The following AUTS2 variants were observed in gnomAD, a reference collection of about 807,000 sequenced individuals.
AUTS2 encodes activator of transcription and developmental regulator AUTS2, also known as autism susceptibility gene 2 protein.
Under a neutral mutation model 112.4 loss-of-function variants are expected in AUTS2, and 17 were observed. The ratio of observed to expected loss-of-function variants is 0.15; its 90% CI spans 0.10 to 0.23. The LOEUF is 0.23. Ranked by LOEUF, AUTS2 falls within the 10% of genes least tolerant of loss-of-function variation. The probability of loss-of-function intolerance (pLI) is 1.00; values close to 1 mark genes in which losing one functional copy is unlikely to be tolerated. For missense variants in AUTS2, 1,510 were observed against 1,701.6 expected (o/e 0.89, Z 1.98); for synonymous variants, 751 against 702.7 (o/e 1.07, Z -1.09).
intron 4 of AUTS2, among the ~76,000 whole-genome samples, chr7:70,340,196 C>CACACACACACA (rs1562892239): frequency 2.0e-5 from 2 of 97,746 alleles, no homozygotes; most frequent in African/African-American, 9.1e-5. Flanking sequence ...ACACACACAC[C>CACACACACACA]CCGTAATAAG....
intron 1 of AUTS2, among the ~76,000 whole-genome samples, chr7:69,717,904 T>C (rs1438298006): frequency 6.6e-6 from 1 of 152,188 alleles, no homozygotes. Context: ...GATAAGACCA[T>C]TTATTGCTTA....
chr7:70,485,035 G>A (rs1020852484), intron 5 of AUTS2, among the ~76,000 whole-genome samples: 6 of 152,316 alleles, frequency 3.9e-5, no homozygotes, highest in African/African-American at 1.4e-4. Context: ...CTGCTGATGG[G>A]AATGTAAACT....
At chr7:70,156,891 TAAAAAAAAAAAAAAAAAAAAAAAA>T (rs781281055) in intron 4 of AUTS2, among the ~76,000 whole-genome samples, 5 of 37,854 alleles carry the variant, frequency 1.3e-4, no homozygotes. Context: ...CTACTAAAAG[TAAAAAAAAAAAAAAAAAAAAAAAA>T]AAAAAAAAAA....
chr7:69,958,113 A>T (rs150961827), intron 2 of AUTS2, among the ~76,000 whole-genome samples: 55 of 152,250 alleles, frequency 3.6e-4, no homozygotes, highest in African/African-American at 1.3e-3. Context: ...TATTTATAGA[A>T]CACCTGCTGT....
At chr7:69,898,420 C>T (rs930036281) in intron 1 of AUTS2, among the ~76,000 whole-genome samples, 1 of 152,058 alleles carries the variant, frequency 6.6e-6, no homozygotes, top group Non-Finnish European at 1.5e-5. Context: ...TTCTGAGAGC[C>T]CATTTTGCAC....
At chr7:70,515,785 A>C (rs1362105342) in intron 5 of AUTS2, among the ~76,000 whole-genome samples, 4 of 152,072 alleles carry the variant, frequency 2.6e-5, no homozygotes, top group Non-Finnish European at 5.9e-5. Flanking sequence ...AAATCATGCA[A>C]ATTGGTCTAG....
chr7:70,304,717 CTTTTTTTT>C (rs11464532), intron 4 of AUTS2, among the ~76,000 whole-genome samples: 8 of 101,324 alleles, frequency 7.9e-5, no homozygotes, highest in African/African-American at 3.1e-4. Context: ...GGATTTTTAA[CTTTTTTTT>C]TTTTTTTTTT....
chr7:69,957,353 A>G (rs899196284), intron 2 of AUTS2, among the ~76,000 whole-genome samples: 5 of 152,022 alleles, frequency 3.3e-5, no homozygotes, highest in African/African-American at 1.2e-4. Flanking sequence ...GAGTCAGACA[A>G]AAAATTGAAG....
intron 2 of AUTS2, among the ~76,000 whole-genome samples, chr7:69,927,502 C>T (rs1178822862): frequency 6.6e-6 from 1 of 152,152 alleles, no homozygotes; most frequent in Non-Finnish European, 1.5e-5. Flanking sequence ...GTCACTTCGT[C>T]AGCCAGAAAC....
chr7:70,478,175 A>G (rs920010500), intron 5 of AUTS2, among the ~76,000 whole-genome samples: 1 of 152,184 alleles, frequency 6.6e-6, no homozygotes, highest in Non-Finnish European at 1.5e-5. Context: ...GAAAAGTAAC[A>G]TGGATTGCTT....
intron 5 of AUTS2, among the ~76,000 whole-genome samples, chr7:70,529,841 C>A (rs903885369): frequency 6.6e-6 from 1 of 152,138 alleles, no homozygotes; most frequent in African/African-American, 2.4e-5. Flanking sequence ...GGAATAGTAT[C>A]CAGAAGCTCA....
chr7:70,501,042 G>A (rs1335082368), intron 5 of AUTS2, among the ~76,000 whole-genome samples: 1 of 152,058 alleles, frequency 6.6e-6, no homozygotes, highest in Non-Finnish European at 1.5e-5. Flanking sequence ...ACCTCCCAAA[G>A]TATGCATGAA....
chr7:70,528,108 T>TA (rs1563018179), intron 5 of AUTS2, among the ~76,000 whole-genome samples: 26 of 147,466 alleles, frequency 1.8e-4, no homozygotes, highest in East Asian at 1.8e-3. Context: ...TTTTTTTTTT[T>TA]TTTTTTTTTT....
chr7:69,634,750 A>T (rs1794438222), intron 1 of AUTS2, among the ~76,000 whole-genome samples: 1 of 152,158 alleles, frequency 6.6e-6, no homozygotes, highest in Admixed American at 6.5e-5. Flanking sequence ...CCCATTGGAG[A>T]CGCAATTTGG....
chr7:70,697,203 CT>C (rs1305639140), intron 5 of AUTS2, among the ~76,000 whole-genome samples: 2 of 151,988 alleles, frequency 1.3e-5, no homozygotes, highest in African/African-American at 2.4e-5. Flanking sequence ...GGAAGGCCCT[CT>C]GTATTTTTCA....
At chr7:69,622,174 T>C (rs1793700796) in intron 1 of AUTS2, among the ~76,000 whole-genome samples, 1 of 152,290 alleles carries the variant, frequency 6.6e-6, no homozygotes, top group South Asian at 2.1e-4. Flanking sequence ...TAATGCTTTG[T>C]TTAAAAACAA....
rs1479694684 is a variant in AUTS2, at chr7:70,001,363, C to T, written c.522+101865C>T. On this transcript the variant is annotated intron_variant, in intron 2 of 18. Transcript: ENST00000342771. ...CTGGTCTCGAACACGTGAGCTCAAG[C>T]GATTCTCCCTCCTTGGCCTCCCAAA... 4.6e-5 allele frequency among the ~76,000 whole-genome samples: 7 copies of T among 152,054 alleles called. No homozygotes were observed. In the East Asian group the frequency reaches 9.7e-4, roughly 21 times the overall value.
chr7:69,700,453 T>C (rs1417010134), intron 1 of AUTS2, among the ~76,000 whole-genome samples: 1 of 152,172 alleles, frequency 6.6e-6, no homozygotes, highest in African/African-American at 2.4e-5. Flanking sequence ...TTAGATGGTT[T>C]GAGGAAGGAC....
At position 69,876,344 on chromosome 7, in the gene AUTS2, AAAAAAATATATATAT is replaced by A. The variant is rs1357637014; in HGVS notation, c.310-22940_310-22926del. Among the ~76,000 whole-genome samples, 5 of 79,908 alleles carry A rather than the reference AAAAAAATATATATAT, an allele frequency of 6.3e-5. No individual in the cohort carries two copies. The East Asian group carries it at 1.2e-3, about 18-fold the overall frequency. The allele number at this position is 79,908 out of a possible 152,430, so 52.4% of individuals were successfully genotyped here. On this transcript the variant is annotated intron_variant, in intron 1 of 18. Coordinates refer to ENST00000342771, the MANE Select transcript of AUTS2 (RefSeq NM_015570.4). ...CTGTCTCAAAAAAAAAAAAAAAAAA[AAAAAAATATATATAT>A]ATATATATATATATATATATATATG...
Sources: allele counts gnomAD v4.1 joint callset (sites outside exome capture counted in the v4.1 genomes callset), GRCh38; gene constraint gnomAD v4.1.1; transcripts MANE v1.5; gene names NCBI Gene and HGNC (gene_info 2026-07-23, HGNC 2026-07-21).